The following FUT8 variants were observed in gnomAD, a reference collection of about 807,000 sequenced individuals.
FUT8 encodes the protein alpha-(1,6)-fucosyltransferase.
Under a neutral mutation model 71.3 loss-of-function variants are expected in FUT8, and 29 were observed. The observed-to-expected ratio is 0.41, with a 90% confidence interval of 0.30 to 0.55. FUT8 has a LOEUF of 0.55. FUT8 is among the 20% of genes least tolerant of loss of function. The pLI, the probability that FUT8 is intolerant of heterozygous loss-of-function variation, is 0.34. For missense variants in FUT8, 544 were observed against 702.1 expected, an observed-to-expected ratio of 0.77 and a Z score of 2.55; for synonymous variants, 254 against 239.3, an observed-to-expected ratio of 1.06 and a Z score of -0.57.
the FUT8 span, among the ~76,000 whole-genome samples, chr14:65,389,436 C>A: frequency 2.6e-5 from 4 of 151,690 alleles, no homozygotes; most frequent in African/African-American, 4.8e-5. Flanking sequence ...CTCAGCCTCC[C>A]AAGTAGCTGG....
At chr14:65,549,386 G>A (rs1292931221) in intron 2 of FUT8, among the ~76,000 whole-genome samples, 1 of 150,914 alleles carries the variant, frequency 6.6e-6, no homozygotes, top group Non-Finnish European at 1.5e-5. Context: ...CTGATTAGAA[G>A]CCCCCTGCAT....
chr14:65,531,655 A>G (rs1883963243), intron 2 of FUT8, among the ~76,000 whole-genome samples: 4 of 152,118 alleles, frequency 2.6e-5, no homozygotes, highest in Admixed American at 2.6e-4. Flanking sequence ...GTATCTGTAC[A>G]GGTTTGTTAT....
chr14:65,645,000 A>C (rs1891055590), intron 6 of FUT8, among the ~76,000 whole-genome samples: 1 of 152,206 alleles, frequency 6.6e-6, no homozygotes, highest in Admixed American at 6.5e-5. Flanking sequence ...AAATGAGAAA[A>C]ACAGCTAAAT....
chr14:65,380,831 A>T, the FUT8 span, among the ~76,000 whole-genome samples: 2 of 152,270 alleles, frequency 1.3e-5, no homozygotes, highest in African/African-American at 2.4e-5. Flanking sequence ...AGAAAGGGAC[A>T]GTCAATGTCA....
chr14:65,478,943 GTATGAA>G (rs1252008278), intron 2 of FUT8, among the ~76,000 whole-genome samples: 21 of 152,176 alleles, frequency 1.4e-4, no homozygotes, highest in Non-Finnish European at 1.5e-4. Context: ...TTAATTGATT[GTATGAA>G]TATAACAGTG....
the FUT8 span, among the ~76,000 whole-genome samples, chr14:65,391,841 C>A: frequency 6.6e-6 from 1 of 151,874 alleles, no homozygotes; most frequent in Non-Finnish European, 1.5e-5. Flanking sequence ...AGGCTGGTCT[C>A]GAACTCCTGA....
chr14:65,743,174 G>GGAT lies in FUT8; in HGVS notation c.*768_*770dup, dbSNP rs1464694929. The stretch of plus-strand genomic sequence containing the variant: ...AAAGTTTCTAGAATTTTATATCATT[G>GGAT]GATGATATGTTGATCAGCCTTATGT... On this transcript the variant is annotated 3_prime_UTR_variant, in exon 11 of 11. Coordinates refer to ENST00000673929, the MANE Select transcript of FUT8 (RefSeq NM_001371533.1). The GGAT allele has an allele frequency of 6.6e-6, 1 of 152,064 alleles. No homozygotes were observed. The highest frequency in any genetic ancestry group is 2.4e-5 in the African/African-American group (1 of 41,314). The allele number at this position is 152,064 out of a possible 1,614,324, so 9.4% of individuals were successfully genotyped here. A position where few individuals can be genotyped will look rare whatever the true frequency, so the allele number is the denominator to read the frequency against.
intron 10 of FUT8, 83 bp downstream of exon 10, chr14:65,733,464 T>G: frequency 1.0e-6 from 1 of 990,656 alleles, no homozygotes; most frequent in South Asian, 2.2e-5. Context: ...TGTCTATGTG[T>G]TGTTAATGTT....
chr14:65,592,927 G>T (rs1426566495), intron 3 of FUT8, among the ~76,000 whole-genome samples: 3 of 152,110 alleles, frequency 2.0e-5, no homozygotes, highest in Non-Finnish European at 2.9e-5. Context: ...GTCAGCATCT[G>T]GGCTGGACCA....
chr14:65,520,154 A>G (rs778382433), intron 2 of FUT8, among the ~76,000 whole-genome samples: 4 of 152,212 alleles, frequency 2.6e-5, no homozygotes, highest in Non-Finnish European at 5.9e-5. Context: ...GCATTTACAA[A>G]TGTGTAGTAG....
chr14:65,361,836 AAATT>A, the FUT8 span, among the ~76,000 whole-genome samples: 1 of 151,776 alleles, frequency 6.6e-6, no homozygotes, highest in Non-Finnish European at 1.5e-5. Flanking sequence ...ATAAATAAAT[AAATT>A]ATAACTCCCA....
At chr14:65,614,396 A>C (rs1238729796) in intron 3 of FUT8, among the ~76,000 whole-genome samples, 1 of 152,252 alleles carries the variant, frequency 6.6e-6, no homozygotes, top group East Asian at 1.9e-4. Context: ...AAAAGGATCA[A>C]TATATGTACG....
At chr14:65,468,046 CCTTAA>C (rs1467024159) in intron 2 of FUT8, 8 of 667,788 alleles carry the variant, frequency 1.2e-5, no homozygotes, top group East Asian at 5.7e-5. Context: ...AGAATCTTGC[CCTTAA>C]CTTGTTTGTT....
At chr14:65,715,984 A>AC (rs1239886810) in intron 7 of FUT8, among the ~76,000 whole-genome samples, 1 of 151,590 alleles carries the variant, frequency 6.6e-6, no homozygotes, top group Non-Finnish European at 1.5e-5. Context: ...CAAAAAAAAA[A>AC]AAAAACAACT....
chr14:65,719,090 C>T (rs1338060214), intron 7 of FUT8, among the ~76,000 whole-genome samples: 1 of 152,206 alleles, frequency 6.6e-6, no homozygotes, highest in African/African-American at 2.4e-5. Flanking sequence ...AGGCCAATAA[C>T]TGTTAGATTT....
the FUT8 span, among the ~76,000 whole-genome samples, chr14:65,370,398 C>T: frequency 2.5e-3 from 373 of 151,374 alleles, 2 homozygotes; most frequent in African/African-American, 8.7e-3. Context: ...TTAGTAGAGA[C>T]GGGGTTTCAC....
the FUT8 span, among the ~76,000 whole-genome samples, chr14:65,372,012 A>T: frequency 6.6e-6 from 1 of 152,190 alleles, no homozygotes; most frequent in Admixed American, 6.5e-5. Context: ...ATTCTAATTC[A>T]GTATCACAGA....
chr14:65,459,628 C>T (rs1331805649), intron 2 of FUT8, among the ~76,000 whole-genome samples: 2 of 152,130 alleles, frequency 1.3e-5, no homozygotes, highest in Non-Finnish European at 2.9e-5. Flanking sequence ...ATGAACCCTA[C>T]ACTGCAATGT....
At chr14:65,557,719 T>C (rs1885670047) in intron 2 of FUT8, among the ~76,000 whole-genome samples, 1 of 152,066 alleles carries the variant, frequency 6.6e-6, no homozygotes, top group South Asian at 2.1e-4. Flanking sequence ...ACATTTAGTA[T>C]ATTTAGTATT....
Sources: gnomAD v4.1 joint callset for allele counts (sites outside exome capture counted in the v4.1 genomes callset) on GRCh38, gnomAD v4.1.1 for gene constraint, MANE v1.5 for transcripts, NCBI Gene and HGNC (gene_info 2026-07-23, HGNC 2026-07-21) for gene names.